TREM2: variants seen among roughly 807,000 people sequenced by gnomAD.
TREM2 encodes triggering receptor expressed on monocytes 2.
A neutral mutation model predicts 22.9 loss-of-function variants in TREM2; 20 were observed. The observed-to-expected ratio is 0.87, with a 90% CI of 0.61 to 1.27. TREM2 has a LOEUF of 1.27. TREM2 is among the 50% of genes most tolerant of loss of function. The pLI, the probability that TREM2 is intolerant of heterozygous loss-of-function variation, is 0.00. For synonymous variants in TREM2, 111 were observed against 120.9 expected (o/e 0.92, Z 0.54); for missense variants, 267 against 289.0 (o/e 0.92, Z 0.55).
chr6:41,159,246 G>C, intron 3 of TREM2, 180 bp from the exon 4 acceptor site: 5 of 714,286 alleles, frequency 7.0e-6, no homozygotes, highest in Non-Finnish European at 1.2e-5. Context: ...TGAGTTCTAG[G>C]CATGCTCTGC....
At position 41,159,841 on chromosome 6, in the gene TREM2, C is replaced by A. The variant is rs766647311; in HGVS notation, c.433G>T (p.Gly145Trp). ...GCATCCTCGAAGCTCTCAGACTCCC[C>A]GGGGAACCAGAGATCTCCAGCATCC... ...HRDAGDLWFP[G>W]ESESFEDAHV... is the part of the protein sequence containing the mutation. The change falls in exon 3 of 5, where the codon GGG (glycine) becomes TGG (tryptophan). Residue 145 changes from glycine to tryptophan, a missense_variant. Coordinates refer to ENST00000373113, the MANE Select transcript of TREM2 (RefSeq NM_018965.4). The A allele has an allele frequency of 3.1e-6, 5 of 1,614,024 alleles. No homozygotes were observed. The highest frequency in any genetic ancestry group is 2.5e-6 in the Non-Finnish European group (3 of 1,179,994).
chr6:41,159,215 G>T, intron 3 of TREM2, 149 bp from the exon 4 acceptor site: 1 of 928,380 alleles, frequency 1.1e-6, no homozygotes, highest in Non-Finnish European at 1.7e-6. Context: ...TGGAGCTTTG[G>T]GAGCCCATAG....
intron 1 of TREM2, among the ~76,000 whole-genome samples, chr6:41,162,818 G>A (rs1765601766): frequency 1.3e-5 from 2 of 152,124 alleles, no homozygotes; most frequent in Admixed American, 6.5e-5. Flanking sequence ...CCCCTTACAT[G>A]TCCACATGCA....
At chr6:41,161,693 C>A (rs576271749) in intron 1 of TREM2, 80 bp from the exon 2 acceptor site, 1 of 1,246,270 alleles carries the variant, frequency 8.0e-7, no homozygotes, top group East Asian at 2.5e-5. Context: ...CCTAAACAGA[C>A]AAAAATCCTG....
At position 41,161,478 on chromosome 6, in the gene TREM2, G is replaced by T; in HGVS notation, c.176C>A (p.Pro59Gln). The change falls in exon 2 of 5, where the codon CCA (proline) becomes CAA (glutamine). Residue 59 changes from proline to glutamine, a missense_variant. Pro to Gln is a moderately conservative substitution (Grantham distance 76, BLOSUM62 -1). Coordinates refer to ENST00000373113, the MANE Select transcript of TREM2 (RefSeq NM_018965.4). The part of the protein sequence containing the change: ...AWCRQLGEKG[P>Q]CQRVVSTHNL... ...GTGCGTGCTGACCACACGCTGGCAT[G>T]GGCCCTTCTCTCCCAGCTGGCGGCA... 6.2e-7 allele frequency: 1 copy of T among 1,614,234 alleles called. No individual in the cohort carries two copies. Among genetic ancestry groups the T allele is most frequent in the Non-Finnish European group, 8.5e-7 (1 of 1,180,044 alleles).
At position 41,158,528 on chromosome 6, in the gene TREM2, T is replaced by C; in HGVS notation, c.*236A>G. On this transcript the variant is annotated 3_prime_UTR_variant, in exon 5 of 5. Coordinates refer to ENST00000373113, the MANE Select transcript of TREM2 (RefSeq NM_018965.4). Reference sequence around the variant, plus strand: ...AACTATCCAGCTAAATATGACAGTCTTGGATTTATTTGTAAGTGTTTAAAA... The same window carrying C: ...AACTATCCAGCTAAATATGACAGTCCTGGATTTATTTGTAAGTGTTTAAAA... 7.0e-7 allele frequency: 1 copy of C among 1,423,108 alleles called. No individual in the cohort carries two copies. Among genetic ancestry groups the C allele is most frequent in the South Asian group, 1.3e-5 (1 of 74,878 alleles). 88.2% of individuals were successfully genotyped at this position (1,423,108 alleles called of 1,614,324 possible). A position where few individuals can be genotyped will look rare whatever the true frequency, so the allele number is the denominator to read the frequency against.
rs772641807 is a variant in TREM2, at chr6:41,159,868, G to A, written c.406C>T (p.Arg136Trp). 82 of 1,613,720 alleles carry A rather than the reference G, an allele frequency of 5.1e-5. No homozygotes were observed. The highest frequency in any genetic ancestry group is 9.3e-5 in the African/African-American group (7 of 74,914). The change falls in exon 3 of 5, where the codon CGG (arginine) becomes TGG (tryptophan). Residue 136 changes from arginine to tryptophan, a missense_variant. Arg to Trp is a moderately radical substitution (Grantham distance 101, BLOSUM62 -3). Coordinates refer to ENST00000373113, the MANE Select transcript of TREM2 (RefSeq NM_018965.4). Reference protein sequence around the residue: ...VEVLADPLDHRDAGDLWFPGE... With the variant: ...VEVLADPLDHWDAGDLWFPGE... ...GGGAACCAGAGATCTCCAGCATCCC[G>A]GTGATCCAGGGGGTCTATGGGAGGC...
Position 41,158,790 on chromosome 6 carries a change from T to C in TREM2, c.677-10A>G, listed in dbSNP as rs747161513. The C allele has an allele frequency of 2.2e-5, 36 of 1,614,052 alleles. No homozygotes were observed. The African/African-American group carries it at 4.1e-4, about 19-fold the overall frequency. ...CACGTGTCTCTCAGCCCTGCAATAGTCCAAGGACTCATGTGGCCCCTCTCG... is the reference window on the plus strand; with the variant it reads ...CACGTGTCTCTCAGCCCTGCAATAGCCCAAGGACTCATGTGGCCCCTCTCG... On this transcript the variant is annotated splice_polypyrimidine_tract_variant and intron_variant, in intron 4 of 4. Coordinates refer to ENST00000373113, the MANE Select transcript of TREM2 (RefSeq NM_018965.4).
At chr6:41,159,354 CAT>C (rs1765499510) in intron 3 of TREM2, among the ~76,000 whole-genome samples, 1 of 152,202 alleles carries the variant, frequency 6.6e-6, no homozygotes, top group Admixed American at 6.5e-5. Context: ...TGTGTACACA[CAT>C]GTGGTTATAT....
At chr6:41,160,673 G>T (rs56189215) in intron 2 of TREM2, among the ~76,000 whole-genome samples, 2 of 152,032 alleles carry the variant, frequency 1.3e-5, no homozygotes, top group African/African-American at 2.4e-5. Flanking sequence ...AACGCCCCCC[G>T]CCAAATAAAA....
intron 3 of TREM2, 109 bp downstream of exon 3, chr6:41,159,683 G>A (rs749171917): frequency 1.1e-6 from 1 of 933,684 alleles, no homozygotes; most frequent in Admixed American, 1.9e-5. Flanking sequence ...GGCCCTTCAG[G>A]CTCTAGTTGC....
chr6:41,163,035 G>A lies in TREM2; in HGVS notation c.40+8C>T. On this transcript the variant is annotated splice_region_variant and intron_variant, in intron 1 of 4. Coordinates refer to ENST00000373113, the MANE Select transcript of TREM2 (RefSeq NM_018965.4). ...AGAAGGCATCACAGGGCACGGAGGG[G>A]ATCCTACCTGTGACAAAGAGTAAGA... 1 of 1,614,126 alleles carries A rather than the reference G, an allele frequency of 6.2e-7. No homozygotes were observed. The highest frequency in any genetic ancestry group is 8.5e-7 in the Non-Finnish European group (1 of 1,180,010).
intron 1 of TREM2, among the ~76,000 whole-genome samples, chr6:41,162,756 G>A (rs1290732932): frequency 6.6e-6 from 1 of 152,150 alleles, no homozygotes; most frequent in Non-Finnish European, 1.5e-5. Flanking sequence ...GCTAGTGCCT[G>A]GGATGCCACT....
Position 41,161,521 on chromosome 6 carries a change from C to G in TREM2, c.133G>C (p.Gly45Arg). The G allele has an allele frequency of 1.2e-6, 2 of 1,614,196 alleles. No individual in the cohort carries two copies. The highest frequency in any genetic ancestry group is 8.5e-7 in the Non-Finnish European group (1 of 1,180,028). The change falls in exon 2 of 5, where the codon GGG becomes CGG. Residue 45 changes from glycine (G) to arginine (R), a missense_variant. Gly to Arg is a moderately radical substitution (Grantham distance 125). Transcript: ENST00000373113. Reference sequence around the variant, plus strand: ...TGGCGGCACCAGGCCTTGCGCCTCCCCCAGTGCTTCATGGAGTCATAGGGG... The same window carrying G: ...TGGCGGCACCAGGCCTTGCGCCTCCGCCAGTGCTTCATGGAGTCATAGGGG... ...SCPYDSMKHWGRRKAWCRQLG... is the reference protein window; with the variant it reads ...SCPYDSMKHWRRRKAWCRQLG...
Position 41,161,557 on chromosome 6 carries a change from G to T in TREM2, c.97C>A (p.Gln33Lys). The T allele has an allele frequency of 6.2e-7, 1 of 1,614,102 alleles. No individual in the cohort carries two copies. The highest frequency in any genetic ancestry group is 8.5e-7 in the Non-Finnish European group (1 of 1,180,018). The change falls in exon 2 of 5, where the codon CAG becomes AAG. Residue 33 changes from glutamine (Q) to lysine (K), a missense_variant. Gln to Lys is a moderately conservative substitution (Grantham distance 53). Coordinates refer to ENST00000373113, the MANE Select transcript of TREM2 (RefSeq NM_018965.4). ...VFQGVAGQSL[Q>K]VSCPYDSMKH... ...ATGGAGTCATAGGGGCAAGACACCT[G>T]CAGGGACTGGCCCGCCACGCCCTGG...
Position 41,161,558 on chromosome 6 carries a change from C to G in TREM2, c.96G>C (p.Leu32=). The change falls in exon 2 of 5, where the codon CTG becomes CTC. Residue 32 remains leucine (L), a synonymous_variant. Transcript: ENST00000373113. ...TGGAGTCATAGGGGCAAGACACCTG[C>G]AGGGACTGGCCCGCCACGCCCTGGA... The part of the protein sequence containing the change: ...TVFQGVAGQS[L]QVSCPYDSMK... The G allele has an allele frequency of 6.2e-7, 1 of 1,614,140 alleles. No individual in the cohort carries two copies. Among genetic ancestry groups the G allele is most frequent in the Non-Finnish European group, 8.5e-7 (1 of 1,180,018 alleles).
Position 41,159,034 on chromosome 6 carries a change from G to T in TREM2, c.515C>A (p.Pro172His). Residue 172 changes from proline (P) to histidine (H), a missense_variant, in exon 4 of 5, where the codon CCC becomes CAC. Pro to His is a moderately conservative substitution (Grantham distance 77). Coordinates refer to ENST00000373113, the MANE Select transcript of TREM2 (RefSeq NM_018965.4). Reference protein sequence around the residue: ...SLLEGEIPFPPTSILLLLACI... With the variant: ...SLLEGEIPFPHTSILLLLACI... ...GGCCAGGAGGAGAAGGATGGAAGTGGGTGGGAAGGGGATTTCTCCTTCCAA... is the reference window on the plus strand; with the variant it reads ...GGCCAGGAGGAGAAGGATGGAAGTGTGTGGGAAGGGGATTTCTCCTTCCAA... 1 of 1,613,994 alleles carries T rather than the reference G, an allele frequency of 6.2e-7. No homozygotes were observed. Among genetic ancestry groups the T allele is most frequent in the Non-Finnish European group, 8.5e-7 (1 of 1,179,942 alleles).
intron 3 of TREM2, 126 bp from the exon 4 acceptor site, chr6:41,159,192 G>T (rs941045846): frequency 5.0e-6 from 6 of 1,208,692 alleles, no homozygotes; most frequent in Non-Finnish European, 7.1e-6. Context: ...ACCATCCCTG[G>T]GATGGGCCTT....
At position 41,161,391 on chromosome 6, in the gene TREM2, G is replaced by T; in HGVS notation, c.263C>A (p.Thr88Asn). The T allele has an allele frequency of 1.9e-6, 3 of 1,614,230 alleles. No individual in the cohort carries two copies. The highest frequency in any genetic ancestry group is 1.6e-4 in the Middle Eastern group (1 of 6,062). The change falls in exon 2 of 5, where the codon ACC (threonine) becomes AAC (asparagine). Residue 88 changes from threonine (T) to asparagine (N), a missense_variant. Transcript: ENST00000373113. The part of the protein sequence containing the change: ...WNGSTAITDD[T>N]LGGTLTITLR... ...CGTAATGGTGAGAGTGCCACCCAGG[G>T]TATCGTCTGTGATGGCTGTGCTCCC...
Sources: allele counts gnomAD v4.1 joint callset (sites outside exome capture counted in the v4.1 genomes callset), GRCh38; gene constraint gnomAD v4.1.1; transcripts MANE v1.5; gene names NCBI Gene and HGNC (gene_info 2026-07-23, HGNC 2026-07-21).